HIVEP3: variants seen among roughly 807,000 people sequenced by gnomAD.
HIVEP3 encodes the protein HIVEP zinc finger 3, also known as transcription factor HIVEP3.
In HIVEP3, 49 loss-of-function variants were observed where a neutral mutation model predicts 152.8. The ratio of observed to expected loss-of-function variants is 0.32; its 90% confidence interval spans 0.26 to 0.41. The LOEUF (loss-of-function observed/expected upper bound fraction) is 0.41, where lower values mean the gene tolerates loss of function less well. HIVEP3 is among the 10% of genes least tolerant of loss of function. The pLI, the probability that HIVEP3 is intolerant of heterozygous loss-of-function variation, is 1.00. For missense variants in HIVEP3, 2,790 were observed against 3,103.3 expected (o/e 0.90, Z 2.40); for synonymous variants, 1,269 against 1,289.0 (o/e 0.98, Z 0.33).
intron 1 of HIVEP3, among the ~76,000 whole-genome samples, chr1:41,970,824 A>G (rs1645224565): frequency 6.6e-6 from 1 of 152,178 alleles, no homozygotes; most frequent in Non-Finnish European, 1.5e-5. Context: ...CTATATGAAC[A>G]TTGGAGCAAC....
chr1:41,902,325 G>A (rs940634933), intron 1 of HIVEP3, among the ~76,000 whole-genome samples: 1 of 152,138 alleles, frequency 6.6e-6, no homozygotes. Context: ...TCCCCAGAGT[G>A]GTCGGTAGGA....
chr1:41,660,760 C>A (rs1645699847), intron 2 of HIVEP3, among the ~76,000 whole-genome samples: 1 of 152,188 alleles, frequency 6.6e-6, no homozygotes, highest in Admixed American at 6.5e-5. Flanking sequence ...TCTTTTATTG[C>A]AGGACTTCTC....
At chr1:41,767,455 C>G (rs376981222) in intron 1 of HIVEP3, among the ~76,000 whole-genome samples, 1 of 152,140 alleles carries the variant, frequency 6.6e-6, no homozygotes, top group Non-Finnish European at 1.5e-5. Flanking sequence ...CTGTGAGCAG[C>G]TGAGGCTTCC....
chr1:41,620,619 A>T (rs10890145), intron 3 of HIVEP3, among the ~76,000 whole-genome samples: 1 of 151,876 alleles, frequency 6.6e-6, no homozygotes, highest in Non-Finnish European at 1.5e-5. Flanking sequence ...CACCTGCCCC[A>T]CCCAGCACGC....
chr1:41,884,369 A>T (rs1644310686), intron 1 of HIVEP3, among the ~76,000 whole-genome samples: 1 of 152,236 alleles, frequency 6.6e-6, no homozygotes, highest in Admixed American at 6.5e-5. Context: ...TTCCCTGCTC[A>T]GCTGAGCACT....
chr1:41,882,203 C>T (rs369192364), intron 1 of HIVEP3, among the ~76,000 whole-genome samples: 101 of 152,318 alleles, frequency 6.6e-4, no homozygotes, highest in African/African-American at 2.3e-3. Context: ...TTCCCATGAT[C>T]AGCCAGAGAA....
chr1:41,766,678 T>A (rs983662700), intron 1 of HIVEP3, among the ~76,000 whole-genome samples: 2 of 152,208 alleles, frequency 1.3e-5, no homozygotes, highest in African/African-American at 4.8e-5. Context: ...AGCACCTGCA[T>A]CACCAACTCC....
At chr1:41,736,670 C>T (rs1256919922) in intron 1 of HIVEP3, among the ~76,000 whole-genome samples, 1 of 152,238 alleles carries the variant, frequency 6.6e-6, no homozygotes, top group East Asian at 1.9e-4. Flanking sequence ...GCATTTCTGG[C>T]TTCCCTCCGC....
intron 1 of HIVEP3, among the ~76,000 whole-genome samples, chr1:41,992,545 A>C (rs1164996017): frequency 6.7e-6 from 1 of 149,278 alleles, no homozygotes. Flanking sequence ...GGTAGGAAGA[A>C]TCAATATCAT....
chr1:41,697,199 G>A (rs1646290034), intron 2 of HIVEP3, among the ~76,000 whole-genome samples: 2 of 152,152 alleles, frequency 1.3e-5, no homozygotes, highest in Admixed American at 1.3e-4. Flanking sequence ...GATGGAAACC[G>A]AGGTACAGAG....
intron 2 of HIVEP3, among the ~76,000 whole-genome samples, chr1:41,631,225 G>A (rs947331134): frequency 1.2e-4 from 19 of 152,208 alleles, no homozygotes; most frequent in Non-Finnish European, 2.4e-4. Context: ...GTGGCTTCCA[G>A]GGCCAGGTAT....
chr1:42,024,865 C>G (rs1025042806), intron 1 of HIVEP3, among the ~76,000 whole-genome samples: 4 of 152,166 alleles, frequency 2.6e-5, no homozygotes, highest in Non-Finnish European at 4.4e-5. Context: ...TTGAAAGGTA[C>G]TTTGTGCATA....
At position 41,965,632 on chromosome 1, in the gene HIVEP3, G is replaced by A. The variant is rs894599922; in HGVS notation, n.120-47108C>T. Among the ~76,000 whole-genome samples, 5 of 152,172 alleles carry A rather than the reference G, an allele frequency of 3.3e-5. No homozygotes were observed. The East Asian group carries it at 9.6e-4, about 29-fold the overall frequency. ...ACCAAGTGGAGGAAAGAATCTCAGA[G>A]CTTGAAGGCTATCTTGCTGAAGTAA... On this transcript the variant is annotated intron_variant and non_coding_transcript_variant, in intron 1 of 3. Coordinates refer to the HIVEP3 transcript ENST00000489103.
intron 1 of HIVEP3, among the ~76,000 whole-genome samples, chr1:41,981,659 G>A (rs1050493424): frequency 1.3e-5 from 2 of 151,994 alleles, no homozygotes; most frequent in African/African-American, 2.4e-5. Context: ...AGAGAATGAG[G>A]GTTGATAAGA....
At position 41,828,440 on chromosome 1, in the gene HIVEP3, C is replaced by T. The variant is rs141714441; in HGVS notation, c.-801+89973G>A. Among the ~76,000 whole-genome samples the T allele has an allele frequency of 1.3e-4, 20 of 152,324 alleles. No individual in the cohort carries two copies. In the East Asian group the frequency reaches 3.9e-3, roughly 29 times the overall value. ...GGCATTAGCTACTTCAGTTGATAAA[C>T]TTTGCCTTTTGACTGTTTCCAAAAT... On this transcript the variant is annotated intron_variant, in intron 1 of 8. Coordinates refer to ENST00000372583, the MANE Select transcript of HIVEP3 (RefSeq NM_024503.5).
chr1:41,827,098 C>T (rs146686904), intron 1 of HIVEP3, among the ~76,000 whole-genome samples: 1 of 152,290 alleles, frequency 6.6e-6, no homozygotes, highest in East Asian at 1.9e-4. Flanking sequence ...AAGATGGTCA[C>T]CACGCTGCCC....
intron 1 of HIVEP3, among the ~76,000 whole-genome samples, chr1:41,917,529 T>C (rs1445724267): frequency 6.6e-6 from 1 of 152,034 alleles, no homozygotes; most frequent in Non-Finnish European, 1.5e-5. Flanking sequence ...ACAGAAATAT[T>C]CCTGACCTGC....
intron 1 of HIVEP3, among the ~76,000 whole-genome samples, chr1:41,772,280 C>A (rs1267843986): frequency 1.3e-5 from 2 of 152,160 alleles, no homozygotes; most frequent in Non-Finnish European, 2.9e-5. Context: ...TGGAATCCTG[C>A]TGAGAGGAGA....
At chr1:41,846,785 G>A (rs1475294818) in intron 1 of HIVEP3, among the ~76,000 whole-genome samples, 9 of 152,188 alleles carry the variant, frequency 5.9e-5, no homozygotes, top group Admixed American at 5.2e-4. Flanking sequence ...TGTCTTCTCA[G>A]CCTCTTGCCT....
Sources: gnomAD v4.1 joint callset for allele counts (sites outside exome capture counted in the v4.1 genomes callset) on GRCh38, gnomAD v4.1.1 for gene constraint, MANE v1.5 for transcripts, NCBI Gene and HGNC (gene_info 2026-07-23, HGNC 2026-07-21) for gene names.